TNR: variants seen among roughly 807,000 people sequenced by gnomAD.
The protein encoded by TNR is tenascin R, also known as tenascin-R.
TNR carries 45 observed loss-of-function variants against 150.4 expected under a neutral mutation model. The observed-to-expected ratio is 0.30, with a 90% CI of 0.24 to 0.38. The LOEUF (loss-of-function observed/expected upper bound fraction) is 0.38, where lower values mean the gene tolerates loss of function less well. Ranked by LOEUF, TNR falls within the 10% of genes least tolerant of loss-of-function variation. The probability of loss-of-function intolerance (pLI) is 1.00; values close to 1 mark genes in which losing one functional copy is unlikely to be tolerated. For synonymous variants in TNR, 687 were observed against 678.4 expected (o/e 1.01, Z -0.20); for missense variants, 1,544 against 1,759.1 (o/e 0.88, Z 2.19).
At chr1:175,447,140 C>G (rs112440869) in intron 2 of TNR, among the ~76,000 whole-genome samples, 68 of 151,906 alleles carry the variant, frequency 4.5e-4, no homozygotes, top group African/African-American at 1.6e-3. Flanking sequence ...GCCCAGCACC[C>G]TCATCTGGGA....
At chr1:175,628,429 G>T (rs1205094499) in intron 1 of TNR, among the ~76,000 whole-genome samples, 1 of 151,974 alleles carries the variant, frequency 6.6e-6, no homozygotes, top group Non-Finnish European at 1.5e-5. Context: ...ACGAGTTAAT[G>T]GGTGCAGCAC....
At chr1:175,337,810 C>T in intron 18 of TNR, 131 bp from the exon 19 acceptor site, 1 of 1,076,034 alleles carries the variant, frequency 9.3e-7, no homozygotes, top group Non-Finnish European at 1.3e-6. Context: ...CTCAACGGAG[C>T]TCAAGGTGTG....
chr1:175,685,356 A>C (rs1014220599), intron 1 of TNR, among the ~76,000 whole-genome samples: 1 of 152,222 alleles, frequency 6.6e-6, no homozygotes, highest in Non-Finnish European at 1.5e-5. Flanking sequence ...TCCAGCTAAC[A>C]GTTCATTCAC....
intron 2 of TNR, among the ~76,000 whole-genome samples, chr1:175,496,017 G>A (rs1002213060): frequency 6.6e-6 from 1 of 152,134 alleles, no homozygotes; most frequent in African/African-American, 2.4e-5. Context: ...CATCCTGCTG[G>A]CTGATGTTTA....
intron 1 of TNR, among the ~76,000 whole-genome samples, chr1:175,733,307 A>G (rs1667690101): frequency 6.6e-6 from 1 of 152,142 alleles, no homozygotes; most frequent in Non-Finnish European, 1.5e-5. Flanking sequence ...CCCTCCCATA[A>G]GAAATAGCGA....
At chr1:175,384,060 T>C (rs1005543634) in intron 8 of TNR, among the ~76,000 whole-genome samples, 19 of 152,262 alleles carry the variant, frequency 1.2e-4, no homozygotes, top group Non-Finnish European at 2.6e-4. Flanking sequence ...GCTTCCATCT[T>C]GTCGACCTGA....
chr1:175,569,634 C>T (rs765443422), intron 1 of TNR, among the ~76,000 whole-genome samples: 2 of 152,134 alleles, frequency 1.3e-5, no homozygotes, highest in Non-Finnish European at 2.9e-5. Context: ...AAATGCTTGC[C>T]GGTGATATCA....
intron 1 of TNR, among the ~76,000 whole-genome samples, chr1:175,732,960 GGTGATTTCTAA>G (rs1667681812): frequency 6.6e-6 from 1 of 152,160 alleles, no homozygotes; most frequent in Non-Finnish European, 1.5e-5. Flanking sequence ...GGACCCAGTT[GGTGATTTCTAA>G]ATCCAGGAGA....
chr1:175,390,482 G>T (rs1653121082), intron 7 of TNR, among the ~76,000 whole-genome samples: 1 of 152,168 alleles, frequency 6.6e-6, no homozygotes, highest in African/African-American at 2.4e-5. Context: ...GACATTCTTG[G>T]TGAGGACACA....
intron 15 of TNR, among the ~76,000 whole-genome samples, chr1:175,356,957 A>G (rs1243727700): frequency 2.6e-5 from 4 of 152,218 alleles, no homozygotes; most frequent in Non-Finnish European, 5.9e-5. Context: ...CTGACCAATG[A>G]AATAAACAGG....
chr1:175,733,609 C>T (rs1667698239), intron 1 of TNR, among the ~76,000 whole-genome samples: 1 of 152,194 alleles, frequency 6.6e-6, no homozygotes, highest in Non-Finnish European at 1.5e-5. Flanking sequence ...TCTTGCTTTG[C>T]ATTTTAATAA....
intron 1 of TNR, among the ~76,000 whole-genome samples, chr1:175,537,653 C>T (rs1439524130): frequency 6.6e-6 from 1 of 152,212 alleles, no homozygotes; most frequent in Admixed American, 6.5e-5. Flanking sequence ...ATGATAAAAG[C>T]TTGACTTTCC....
chr1:175,708,542 A>G (rs1275800890), intron 1 of TNR, among the ~76,000 whole-genome samples: 3 of 152,194 alleles, frequency 2.0e-5, no homozygotes, highest in Non-Finnish European at 2.9e-5. Flanking sequence ...ACGGGAAGGA[A>G]GCATCCACCA....
At chr1:175,692,495 C>T (rs1360105886) in intron 1 of TNR, among the ~76,000 whole-genome samples, 2 of 152,206 alleles carry the variant, frequency 1.3e-5, no homozygotes, top group South Asian at 2.1e-4. Flanking sequence ...TTTCCATCTG[C>T]CTTGGGTCTG....
At chr1:175,581,121 T>C (rs921992410) in intron 1 of TNR, among the ~76,000 whole-genome samples, 2 of 152,198 alleles carry the variant, frequency 1.3e-5, no homozygotes, top group Non-Finnish European at 2.9e-5. Flanking sequence ...ACTTTCTGCA[T>C]GGTGTTGTGG....
chr1:175,410,759 T>C (rs993762291), intron 2 of TNR, among the ~76,000 whole-genome samples: 4 of 152,318 alleles, frequency 2.6e-5, no homozygotes, highest in African/African-American at 9.6e-5. Context: ...GAGTTCAAGA[T>C]GGTGGCTGCT....
At chr1:175,364,483 A>G (rs1189677060) in intron 12 of TNR, among the ~76,000 whole-genome samples, 7 of 152,250 alleles carry the variant, frequency 4.6e-5, no homozygotes, top group Non-Finnish European at 7.3e-5. Flanking sequence ...GTGTTTGGGA[A>G]TAATGAGCTG....
intron 1 of TNR, among the ~76,000 whole-genome samples, chr1:175,562,063 C>T (rs16848625): frequency 0.046 from 7,029 of 152,210 alleles, 552 homozygotes; most frequent in African/African-American, 0.16. Context: ...GGGCTAATGA[C>T]TTAATATATT....
At chr1:175,546,603 A>G (rs1167204772) in intron 1 of TNR, among the ~76,000 whole-genome samples, 2 of 152,146 alleles carry the variant, frequency 1.3e-5, no homozygotes, top group South Asian at 4.1e-4. Context: ...ATAACCAAGT[A>G]CCCAAGAGTG....
Sources: allele counts gnomAD v4.1 joint callset (sites outside exome capture counted in the v4.1 genomes callset), GRCh38; gene constraint gnomAD v4.1.1; transcripts MANE v1.5; gene names NCBI Gene and HGNC (gene_info 2026-07-23, HGNC 2026-07-21).